KIF19: variants seen among roughly 807,000 people sequenced by gnomAD.
KIF19 encodes kinesin-like protein KIF19.
A neutral mutation model predicts 106.6 loss-of-function variants in KIF19; 98 were observed. The ratio of observed to expected loss-of-function variants is 0.92; its 90% CI spans 0.78 to 1.09. The LOEUF (loss-of-function observed/expected upper bound fraction) is 1.09, where lower values mean the gene tolerates loss of function less well. Among genes scored for constraint, KIF19 ranks in the 50% least tolerant of loss-of-function variants. KIF19 has a pLI of 0.00. For missense variants in KIF19, 1,373 were observed against 1,414.3 expected (o/e 0.97, Z 0.47); for synonymous variants, 516 against 584.2 (o/e 0.88, Z 1.68).
rs1442581170 is a variant in KIF19 at position 74,346,573 on chromosome 17, C to T, written c.924+49C>T. 1.3e-6 allele frequency: 2 copies of T among 1,512,334 alleles called. No homozygotes were observed. 93.7% of individuals were successfully genotyped at this position (1,512,334 alleles called of 1,614,324 possible). A position where few individuals can be genotyped will look rare whatever the true frequency, so the allele number is the denominator to read the frequency against. On this transcript the variant is annotated intron_variant, in intron 8 of 19. Transcript: ENST00000389916. This position sits in a 1 kb window ranked among gnomAD's most constrained non-coding sequence, Gnocchi z 4.6. ...GCACTGGGCACCAAGGGTGAGGCTG[C>T]CAGATTAAACAAATGAAAATACAGG...
At chr17:74,328,403 G>A in intron 1 of KIF19, 22 bp from the exon 2 acceptor site, 2 of 1,594,112 alleles carry the variant, frequency 1.3e-6, no homozygotes, top group Non-Finnish European at 1.7e-6. Flanking sequence ...TCTAATCCCA[G>A]GGGCTTGGTT....
intron 10 of KIF19, among the ~76,000 whole-genome samples, chr17:74,349,779 AAGAG>A (rs1266158581): frequency 6.6e-6 from 1 of 150,518 alleles, no homozygotes; most frequent in Non-Finnish European, 1.5e-5. Context: ...TACTAATATA[AAGAG>A]AGAGGCAGAC....
intron 16 of KIF19, 38 bp downstream of exon 16, chr17:74,353,339 T>C (rs1370892125): frequency 6.6e-7 from 1 of 1,518,378 alleles, no homozygotes; most frequent in Non-Finnish European, 9.0e-7. Flanking sequence ...CGAGCTCCAC[T>C]GCAGCGGGTG....
chr17:74,355,421 G>A lies in KIF19; in HGVS notation c.*109G>A. 2 of 1,368,354 alleles carry A rather than the reference G, an allele frequency of 1.5e-6. No homozygotes were observed. Among genetic ancestry groups the A allele is most frequent in the Non-Finnish European group, 1.9e-6 (2 of 1,035,020 alleles). 84.8% of individuals were successfully genotyped at this position (1,368,354 alleles called of 1,614,324 possible). ...GGAGATGACCAGGAAGTAAGCTCAG[G>A]ATCTCAGCAGGCCAGGGCTCCTGAG... On this transcript the variant is annotated 3_prime_UTR_variant, in exon 20 of 20. Transcript: ENST00000389916.
Position 74,352,045 on chromosome 17 carries a change from C to T in KIF19, c.1766C>T (p.Ala589Val). The T allele has an allele frequency of 6.3e-7, 1 of 1,578,364 alleles. No homozygotes were observed. The highest frequency in any genetic ancestry group is 1.1e-5 in the South Asian group (1 of 87,670). ...MQSHALLRDG[A>V]LRHRHEAVRR... ...TCGCACGCGCTGCTCCGCGACGGTG[C>T]GCTCCGCCACCGCCACGAGGCCGTG... The change falls in exon 13 of 20, where the codon GCG (alanine) becomes GTG (valine). Residue 589 changes from alanine (A) to valine (V), a missense_variant. Transcript: ENST00000389916.
chr17:74,332,220 G>GTGTT (rs1555619612), intron 2 of KIF19, among the ~76,000 whole-genome samples: 105 of 131,224 alleles, frequency 8.0e-4, no homozygotes, highest in Non-Finnish European at 1.4e-3. Flanking sequence ...TTGTGTGTGT[G>GTGTT]TGTGTGTGTG....
chr17:74,348,734 G>A (rs1397558719), intron 9 of KIF19: 2 of 178,914 alleles, frequency 1.1e-5, no homozygotes, highest in African/African-American at 4.8e-5. Flanking sequence ...GTGGCCTGGT[G>A]GGGTCCAGTG....
At position 74,344,638 on chromosome 17, in the gene KIF19, TC is replaced by T. The variant is rs2054479065; in HGVS notation, c.583-121del. ...TCTCAGCACACGGAGCCCAGCCCACTCCAGCCTGCCCTTTCCCAACTGCTCA... is the reference window on the plus strand; with the variant it reads ...TCTCAGCACACGGAGCCCAGCCCACTCAGCCTGCCCTTTCCCAACTGCTCA... On this transcript the variant is annotated intron_variant, in intron 6 of 19. Coordinates refer to ENST00000389916, the MANE Select transcript of KIF19 (RefSeq NM_153209.4). The T allele has an allele frequency of 2.8e-6, 3 of 1,081,566 alleles. No individual in the cohort carries two copies. The Admixed American group carries it at 8.3e-5, about 30-fold the overall frequency. 67.0% of individuals were successfully genotyped at this position (1,081,566 alleles called of 1,614,324 possible).
rs1326150869 is a variant in KIF19, at chr17:74,342,876, G to A, written c.320-148G>A. ...GCCCCAGAGGCCCCAACCCGAGCCG[G>A]GGCATCATCCTCCCCACTCCCCACC... On this transcript the variant is annotated intron_variant, in intron 4 of 19. Coordinates refer to ENST00000389916, the MANE Select transcript of KIF19 (RefSeq NM_153209.4). 6 of 1,189,508 alleles carry A rather than the reference G, an allele frequency of 5.0e-6. No individual in the cohort carries two copies. The African/African-American group carries it at 9.1e-5, about 18-fold the overall frequency. The allele number at this position is 1,189,508 out of a possible 1,614,324, so 73.7% of individuals were successfully genotyped here.
intron 4 of KIF19, 47 bp from the exon 5 acceptor site, chr17:74,342,977 T>TA: frequency 2.0e-6 from 3 of 1,527,880 alleles, no homozygotes; most frequent in Non-Finnish European, 2.6e-6. Flanking sequence ...CAGCAAGGCC[T>TA]CCCTCCCAGC....
rs1489806200 is a variant in KIF19 at position 74,349,329 on chromosome 17, G to T, written c.1193G>T (p.Gly398Val). 6.2e-7 allele frequency: 1 copy of T among 1,604,558 alleles called. No individual in the cohort carries two copies. The highest frequency in any genetic ancestry group is 1.1e-5 in the South Asian group (1 of 89,540). ...RGQARGRQDR[G>V]DIRHIQAEVQ... ...CAGGCCCGGGGCCGGCAGGATCGGG[G>T]TGACATCCGCCACATCCAAGGTGCG... The change falls in exon 10 of 20, where the codon GGT becomes GTT. Residue 398 changes from glycine (G) to valine (V), a missense_variant. Physicochemically the swap from Gly to Val is moderately radical, Grantham distance 109 (BLOSUM62 -3). Transcript: ENST00000389916.
At position 74,354,956 on chromosome 17, in the gene KIF19, G is replaced by A. The variant is rs1276549604; in HGVS notation, c.2866+15G>A. ...CCAGAACACGGGTCAGTATGGGCAA[G>A]GAGGGGATGGGGAGGGGAGGCCTCC... On this transcript the variant is annotated intron_variant, in intron 19 of 19. Coordinates refer to ENST00000389916, the MANE Select transcript of KIF19 (RefSeq NM_153209.4). 6.3e-7 allele frequency: 1 copy of A among 1,576,298 alleles called. No homozygotes were observed. Among genetic ancestry groups the A allele is most frequent in the South Asian group, 1.2e-5 (1 of 86,648 alleles).
At position 74,341,870 on chromosome 17, in the gene KIF19, T is replaced by C. The variant is rs1410874217; in HGVS notation, c.121-6T>C. The C allele has an allele frequency of 1.2e-6, 2 of 1,611,826 alleles. No individual in the cohort carries two copies. Among genetic ancestry groups the C allele is most frequent in the Admixed American group, 1.7e-5 (1 of 60,014 alleles). The stretch of plus-strand genomic sequence containing the variant: ...GACCGTGGGCCTCCCTCTGGGGACC[T>C]TGCAGATGGTGGTTCTCATGGACCC... On this transcript the variant is annotated splice_polypyrimidine_tract_variant and splice_region_variant and intron_variant, in intron 2 of 19. Coordinates refer to ENST00000389916, the MANE Select transcript of KIF19 (RefSeq NM_153209.4).
intron 10 of KIF19, among the ~76,000 whole-genome samples, chr17:74,349,885 G>A (rs1002016053): frequency 1.3e-5 from 2 of 151,290 alleles, no homozygotes; most frequent in African/African-American, 4.9e-5. Context: ...TGCAACCTCT[G>A]CCTCCCGGGT....
intron 2 of KIF19, among the ~76,000 whole-genome samples, chr17:74,335,493 G>T (rs527634927): frequency 6.6e-5 from 10 of 152,356 alleles, no homozygotes; most frequent in African/African-American, 2.4e-4. Context: ...CCTCTCCCTG[G>T]CCTGAGGCCC....
At chr17:74,341,555 G>T (rs750690748) in intron 2 of KIF19, among the ~76,000 whole-genome samples, 1 of 152,164 alleles carries the variant, frequency 6.6e-6, no homozygotes, top group East Asian at 1.9e-4. Flanking sequence ...GCAATTGCTC[G>T]TTGTCAGGAA....
At chr17:74,326,650 C>A (rs2053918640) in intron 1 of KIF19, among the ~76,000 whole-genome samples, 1 of 152,094 alleles carries the variant, frequency 6.6e-6, no homozygotes, top group Non-Finnish European at 1.5e-5. Flanking sequence ...ATTGGGAGAT[C>A]CCGCCCCCAA....
chr17:74,355,517 G>T lies in KIF19; in HGVS notation c.*205G>T. 4.6e-6 allele frequency: 3 copies of T among 649,732 alleles called. No homozygotes were observed. Among genetic ancestry groups the T allele is most frequent in the Non-Finnish European group, 7.4e-6 (3 of 407,280 alleles). The allele number at this position is 649,732 out of a possible 1,614,324, so 40.2% of individuals were successfully genotyped here. A position where few individuals can be genotyped will look rare whatever the true frequency, so the allele number is the denominator to read the frequency against. On this transcript the variant is annotated 3_prime_UTR_variant, in exon 20 of 20. Coordinates refer to ENST00000389916, the MANE Select transcript of KIF19 (RefSeq NM_153209.4). ...CCACTGGGGAAAAGAGGTGAGGCCA[G>T]GGGACATGGCCAGGACGGCTGGGCT...
rs755302113 is a variant in KIF19 at position 74,350,813 on chromosome 17, C to T, written c.1495C>T (p.Gln499Ter). The change falls in exon 12 of 20, where the codon CAA (glutamine) becomes TAA (stop). Residue 499 changes from glutamine (Q) to a stop codon, truncating the protein, a stop_gained. Coordinates refer to ENST00000389916, the MANE Select transcript of KIF19 (RefSeq NM_153209.4). LOFTEE classifies it high-confidence loss of function. ...SEKDSDTGDDQPDILEPPEVA... is the reference protein window; with the variant it reads ...SEKDSDTGDD ...GAAGGACTCAGACACAGGTGATGAC[C>T]AACCAGACATCCTGGAGCCACCCGA... 1 of 1,614,026 alleles carries T rather than the reference C, an allele frequency of 6.2e-7. No individual in the cohort carries two copies. Among genetic ancestry groups the T allele is most frequent in the South Asian group, 1.1e-5 (1 of 91,078 alleles).
Sources: allele counts gnomAD v4.1 joint callset (sites outside exome capture counted in the v4.1 genomes callset), GRCh38; gene constraint gnomAD v4.1.1; non-coding constraint Gnocchi (gnomAD v3.1); transcripts MANE v1.5; gene names NCBI Gene and HGNC (gene_info 2026-07-23, HGNC 2026-07-21).